USO1: variants seen among roughly 807,000 people sequenced by gnomAD.
USO1 encodes the protein general vesicular transport factor p115.
USO1 carries 57 observed loss-of-function variants against 124.5 expected under a neutral mutation model. That is an observed-to-expected ratio of 0.46 (90% CI 0.37 to 0.57). The LOEUF is 0.57. USO1 is among the 20% of genes least tolerant of loss of function. The pLI is 0.00. For missense variants in USO1, 900 were observed against 1,040.6 expected, an observed-to-expected ratio of 0.86 and a Z score of 1.86; for synonymous variants, 369 against 362.8, an observed-to-expected ratio of 1.02 and a Z score of -0.19.
At chr4:75,765,866 C>T (rs763182016) in intron 4 of USO1, among the ~76,000 whole-genome samples, 1 of 152,104 alleles carries the variant, frequency 6.6e-6, no homozygotes, top group African/African-American at 2.4e-5. Context: ...TATTATCAGG[C>T]CTTTGTAGCA....
chr4:75,748,861 CTA>C (rs1721211394), intron 1 of USO1, among the ~76,000 whole-genome samples: 1 of 152,026 alleles, frequency 6.6e-6, no homozygotes, highest in Non-Finnish European at 1.5e-5. Flanking sequence ...CTTTGGAAAA[CTA>C]TTTTGACTCA....
At chr4:75,809,176 G>A (rs1723076252) in intron 21 of USO1, 125 bp downstream of exon 21, 1 of 109,532 alleles carries the variant, frequency 9.1e-6, no homozygotes, top group Non-Finnish European at 1.5e-5. Context: ...CTTACTAGCC[G>A]GTATTCTAGT....
At chr4:75,774,612 G>C (rs1722020576) in intron 7 of USO1, 64 bp from the exon 8 acceptor site, 1 of 1,526,692 alleles carries the variant, frequency 6.6e-7, no homozygotes, top group African/African-American at 1.4e-5. Flanking sequence ...TGTGATTTTT[G>C]AAGTAATTTA....
chr4:75,740,899 G>A (rs1440366250), intron 1 of USO1, among the ~76,000 whole-genome samples: 4 of 152,092 alleles, frequency 2.6e-5, no homozygotes, highest in Admixed American at 2.0e-4. Context: ...AAAGTTTGGT[G>A]TACATCCTTC....
In USO1 at chr4:75,805,149, A is replaced by G. The variant is rs1722956736; in HGVS notation, c.2135A>G (p.Asn712Ser). 1.3e-6 allele frequency: 2 copies of G among 1,579,536 alleles called. No homozygotes were observed. Among genetic ancestry groups the G allele is most frequent in the Non-Finnish European group, 1.7e-6 (2 of 1,168,000 alleles). ...NLLKIQLGKD[N>S]QHQGSYSEGA... ...TATGTCTGTCTAACAGGAAAAGACAATCAGCATCAAGGTTCTTACAGTGAG... is the reference window on the plus strand; with the variant it reads ...TATGTCTGTCTAACAGGAAAAGACAGTCAGCATCAAGGTTCTTACAGTGAG... Residue 712 changes from asparagine (N) to serine (S), a missense_variant, in exon 19 of 24, where the codon AAT becomes AGT. Asn to Ser is a conservative substitution (Grantham distance 46, BLOSUM62 1). Coordinates refer to ENST00000514213, the MANE Select transcript of USO1 (RefSeq NM_003715.4).
At chr4:75,774,454 A>G (rs1005923248) in intron 7 of USO1, among the ~76,000 whole-genome samples, 5 of 152,244 alleles carry the variant, frequency 3.3e-5, no homozygotes, top group African/African-American at 1.2e-4. Context: ...TGAACTAGGA[A>G]TTGTTAGAAG....
chr4:75,752,544 A>G lies in USO1; in HGVS notation c.158A>G (p.Tyr53Cys). The G allele has an allele frequency of 2.5e-6, 1 of 398,552 alleles. No homozygotes were observed. Among genetic ancestry groups the G allele is most frequent in the East Asian group, 3.6e-5 (1 of 28,052 alleles). The allele number at this position is 398,552 out of a possible 1,614,324, so 24.7% of individuals were successfully genotyped here. Residue 53 changes from tyrosine to cysteine, a missense_variant, in exon 3 of 24, where the codon TAC becomes TGC. By Grantham distance (194) the Tyr-to-Cys change is radical. Around this residue, in one of 2 missense-constraint regions of USO1, gnomAD observed 538 missense variants for 681.6 expected, o/e 0.79. Coordinates refer to ENST00000514213, the MANE Select transcript of USO1 (RefSeq NM_003715.4). ...VRALKSLSKK[Y>C]RLEVGIQAME... ...ATTTTTATTTTTTATGTGCAGAAAT[A>G]CCGCTTGGAAGTGGGTATACAAGCT...
chr4:75,774,576 C>T (rs1243037175), intron 7 of USO1, 100 bp from the exon 8 acceptor site: 6 of 1,414,032 alleles, frequency 4.2e-6, no homozygotes, highest in Non-Finnish European at 3.8e-6. Context: ...GTTGGGCTTG[C>T]AAAATCTCTG....
At chr4:75,811,485 A>G (rs555147943) in intron 22 of USO1, among the ~76,000 whole-genome samples, 1 of 152,314 alleles carries the variant, frequency 6.6e-6, no homozygotes, top group East Asian at 1.9e-4. Context: ...ATCAACATCT[A>G]ATCACAATAA....
At chr4:75,746,808 A>G (rs1301539159) in intron 1 of USO1, among the ~76,000 whole-genome samples, 1 of 152,192 alleles carries the variant, frequency 6.6e-6, no homozygotes, top group African/African-American at 2.4e-5. Context: ...GTATAGACAT[A>G]TTACTATTCA....
At chr4:75,751,967 T>C (rs1391751657) in intron 1 of USO1, among the ~76,000 whole-genome samples, 7 of 152,302 alleles carry the variant, frequency 4.6e-5, no homozygotes, top group African/African-American at 1.7e-4. Context: ...ATGATGAAAA[T>C]GTTAGGAAAA....
chr4:75,745,929 A>C (rs1045174212), intron 1 of USO1, among the ~76,000 whole-genome samples: 2 of 152,012 alleles, frequency 1.3e-5, no homozygotes, highest in Admixed American at 6.6e-5. Context: ...AACGAAAAAA[A>C]CAGTTTATTA....
rs1403343029 is a variant in USO1 at position 75,790,759 on chromosome 4, G to A, written c.1202G>A (p.Gly401Glu). ...CFLYKNQKGQ[G>E]EIVSTLLPST... is the part of the protein sequence containing the mutation. ...TTGTATAAAAACCAAAAAGGACAAG[G>A]AGAAATCGTGTCAACACTTTTACCT... Residue 401 changes from glycine (G) to glutamate (E), a missense_variant, in exon 12 of 24, where the codon GGA becomes GAA. Gly to Glu is a moderately conservative substitution (Grantham distance 98). Around this residue, in one of 2 missense-constraint regions of USO1, gnomAD observed 538 missense variants for 681.6 expected, o/e 0.79. Coordinates refer to ENST00000514213, the MANE Select transcript of USO1 (RefSeq NM_003715.4). 6.2e-7 allele frequency: 1 copy of A among 1,612,424 alleles called. No individual in the cohort carries two copies. Among genetic ancestry groups the A allele is most frequent in the African/African-American group, 1.3e-5 (1 of 74,912 alleles).
chr4:75,808,593 T>A (rs1723055985), intron 20 of USO1, among the ~76,000 whole-genome samples: 1 of 152,172 alleles, frequency 6.6e-6, no homozygotes, highest in Admixed American at 6.6e-5. Flanking sequence ...GTGTGCTGAT[T>A]TAGTTATCAC....
At chr4:75,805,619 A>G (rs1722975838) in intron 19 of USO1, among the ~76,000 whole-genome samples, 1 of 151,928 alleles carries the variant, frequency 6.6e-6, no homozygotes, top group African/African-American at 2.4e-5. Context: ...AGGCAGGAGA[A>G]TCTCTTAAAC....
intron 13 of USO1, chr4:75,795,234 GT>G: frequency 2.9e-6 from 2 of 680,738 alleles, no homozygotes; most frequent in Non-Finnish European, 5.3e-6. Flanking sequence ...ATTGGCTTGA[GT>G]TTGTAGAGAG....
intron 1 of USO1, among the ~76,000 whole-genome samples, chr4:75,726,065 T>G (rs888357770): frequency 1.3e-5 from 2 of 152,166 alleles, no homozygotes; most frequent in Admixed American, 6.5e-5. Flanking sequence ...GCGGATCACC[T>G]GAGGTCGGGA....
At chr4:75,744,792 G>A (rs1721073892) in intron 1 of USO1, 1 of 326,878 alleles carries the variant, frequency 3.1e-6, no homozygotes, top group South Asian at 2.4e-5. Context: ...CTGTGTAAGT[G>A]TATAAAATGA....
chr4:75,745,738 A>G (rs1439400619), intron 1 of USO1, among the ~76,000 whole-genome samples: 1 of 151,554 alleles, frequency 6.6e-6, no homozygotes, highest in Non-Finnish European at 1.5e-5. Context: ...CGTTTCTACT[A>G]AAATTACAAA....
Sources: gnomAD v4.1 joint callset for allele counts (sites outside exome capture counted in the v4.1 genomes callset) on GRCh38, gnomAD v4.1.1 for gene constraint, gnomAD v4.1.1 regional missense constraint, MANE v1.5 for transcripts, NCBI Gene and HGNC (gene_info 2026-07-23, HGNC 2026-07-21) for gene names.